The following FOXM1 variants were observed in gnomAD, a reference collection of about 807,000 sequenced individuals.
The protein encoded by FOXM1 is forkhead box M1.
Under a neutral mutation model 63.6 loss-of-function variants are expected in FOXM1, and 25 were observed. The observed-to-expected ratio is 0.39, with a 90% CI of 0.29 to 0.55. FOXM1 has a LOEUF of 0.55. Ranked by LOEUF, FOXM1 falls within the 20% of genes least tolerant of loss-of-function variation. FOXM1 has a pLI of 0.60. For synonymous variants in FOXM1, 387 were observed against 376.9 expected (o/e 1.03, Z -0.31); for missense variants, 879 against 958.7 (o/e 0.92, Z 1.10).
In FOXM1 at chr12:2,866,624, C is replaced by T. The variant is rs28990707; in HGVS notation, c.847-103G>A. ...AGCCTCAGGCCCCTCCCACTGTGCT[C>T]AGCACAGGCTTCGTCTGGTGTCTTT... On this transcript the variant is annotated intron_variant, in intron 4 of 8. Coordinates refer to ENST00000359843, the MANE Select transcript of FOXM1 (RefSeq NM_021953.4). The T allele has an allele frequency of 4.8e-3, 6,078 of 1,255,278 alleles. 248 individuals are homozygous for T. The African/African-American group carries it at 0.084, about 17-fold the overall frequency. 77.8% of individuals were successfully genotyped at this position (1,255,278 alleles called of 1,614,324 possible).
chr12:2,864,720 C>G lies in FOXM1; in HGVS notation c.1053G>C (p.Arg351=), dbSNP rs1487148803. The change falls in exon 7 of 9, where the codon CGG becomes CGC. Residue 351 remains arginine (R), a synonymous_variant. Transcript: ENST00000359843. The surrounding 1 kb of genome is among the most constrained non-coding windows in gnomAD (Gnocchi z 5.1). The stretch of plus-strand genomic sequence containing the variant: ...GGAGTTCGGTTTTGATGGTCATGTT[C>G]CGGCGGAGCTCTGGATTCGGTCGTT... ...QQKRPNPELR[R]NMTIKTELPL... 1.2e-6 allele frequency: 2 copies of G among 1,614,042 alleles called. No homozygotes were observed. Among genetic ancestry groups the G allele is most frequent in the African/African-American group, 1.3e-5 (1 of 74,920 alleles).
In FOXM1 at chr12:2,858,815, C is replaced by T. The variant is rs201630079; in HGVS notation, c.2115G>A (p.Pro705=). Reference sequence around the variant, plus strand: ...CTGCAAGGCCAGAAACCTGTGGCTCCGGGGAGCCTGGCTTGGGGACGTCTA... The same window carrying T: ...CTGCAAGGCCAGAAACCTGTGGCTCTGGGGAGCCTGGCTTGGGGACGTCTA... The part of the protein sequence containing the change: ...SDIDVPKPGS[P]EPQVSGLAAN... The change falls in exon 9 of 9, where the codon CCG becomes CCA. Residue 705 remains proline (P), a synonymous_variant. Coordinates refer to ENST00000359843, the MANE Select transcript of FOXM1 (RefSeq NM_021953.4). 1.2e-4 allele frequency: 187 copies of T among 1,614,104 alleles called. 1 individual carries two copies. The South Asian group carries it at 1.8e-3, about 16-fold the overall frequency.
chr12:2,876,526 T>C (rs1289188645), intron 1 of FOXM1: 1 of 152,492 alleles, frequency 6.6e-6, no homozygotes, highest in Non-Finnish European at 1.5e-5. Context: ...GTAAGTAAGA[T>C]GGAGGCGGTG....
chr12:2,875,055 C>T (rs763475185), intron 1 of FOXM1, among the ~76,000 whole-genome samples: 13 of 147,486 alleles, frequency 8.8e-5, no homozygotes, highest in African/African-American at 2.8e-4. Context: ...TGCAGTGGCA[C>T]GATCTCAGTT....
Position 2,858,807 on chromosome 12 carries a change from T to C in FOXM1, c.2123A>G (p.Gln708Arg). 1 of 1,614,154 alleles carries C rather than the reference T, an allele frequency of 6.2e-7. No individual in the cohort carries two copies. Among genetic ancestry groups the C allele is most frequent in the Non-Finnish European group, 8.5e-7 (1 of 1,180,028 alleles). Residue 708 changes from glutamine (Q) to arginine (R), a missense_variant, in exon 9 of 9, where the codon CAG becomes CGG. Physicochemically the swap from Gln to Arg is conservative, Grantham distance 43. Coordinates refer to ENST00000359843, the MANE Select transcript of FOXM1 (RefSeq NM_021953.4). Reference sequence around the variant, plus strand: ...ACGATTGGCTGCAAGGCCAGAAACCTGTGGCTCCGGGGAGCCTGGCTTGGG... The same window carrying C: ...ACGATTGGCTGCAAGGCCAGAAACCCGTGGCTCCGGGGAGCCTGGCTTGGG... ...DVPKPGSPEP[Q>R]VSGLAANRSL...
intron 3 of FOXM1, 65 bp from the exon 4 acceptor site, chr12:2,868,819 T>C: frequency 7.6e-7 from 1 of 1,312,524 alleles, no homozygotes; most frequent in Non-Finnish European, 1.1e-6. Context: ...ACCCAAGCCC[T>C]TGAAGAACAT....
rs939041760 is a variant in FOXM1, at chr12:2,857,975, T to C, written c.*663A>G. On this transcript the variant is annotated 3_prime_UTR_variant, in exon 9 of 9. Coordinates refer to ENST00000359843, the MANE Select transcript of FOXM1 (RefSeq NM_021953.4). ...ACCCCAAATTCAACTCCTGACCCAA[T>C]ACAAAAGACTTTTTTAACCAGGATT... 1 of 152,738 alleles carries C rather than the reference T, an allele frequency of 6.5e-6. No homozygotes were observed. Among genetic ancestry groups the C allele is most frequent in the Non-Finnish European group, 1.5e-5 (1 of 68,142 alleles). The allele number at this position is 152,738 out of a possible 1,614,324, so 9.5% of individuals were successfully genotyped here. A position where few individuals can be genotyped will look rare whatever the true frequency, so the allele number is the denominator to read the frequency against.
rs568267379 is a variant in FOXM1 at position 2,875,761 on chromosome 12, A to ATTTTTTTT, written c.-48+1151_-48+1158dup. Among the ~76,000 whole-genome samples, 218 of 133,352 alleles carry ATTTTTTTT rather than the reference A, an allele frequency of 1.6e-3. 4 individuals carry two copies. Among genetic ancestry groups the ATTTTTTTT allele is most frequent in the African/African-American group, 6.0e-3 (213 of 35,260 alleles). 87.5% of individuals were successfully genotyped at this position (133,352 alleles called of 152,430 possible). ...TTAAGTCTTTTGTTGATTTTTTTTA[A>ATTTTTTTT]TTTTTTTTTTTTTTTTGAGACGGAG... On this transcript the variant is annotated intron_variant, in intron 1 of 8. Coordinates refer to ENST00000359843, the MANE Select transcript of FOXM1 (RefSeq NM_021953.4).
At chr12:2,860,646 G>A (rs2098109794) in intron 8 of FOXM1, among the ~76,000 whole-genome samples, 1 of 152,066 alleles carries the variant, frequency 6.6e-6, no homozygotes, top group Non-Finnish European at 1.5e-5. Context: ...GCCAAGGCAG[G>A]CAGATCACCT....
In FOXM1 at chr12:2,859,669, AG is replaced by A. The variant is rs768870768; in HGVS notation, c.1267-7del. The A allele has an allele frequency of 6.3e-6, 10 of 1,596,748 alleles. No individual in the cohort carries two copies. In the East Asian group the frequency reaches 1.8e-4, roughly 29 times the overall value. ...CCCTCCTCAGCTAGCAGCACCTGAA[AG>A]GGAAACAGAGATAAGGTGAACCAAC... On this transcript the variant is annotated splice_polypyrimidine_tract_variant and splice_region_variant and intron_variant, in intron 8 of 8. Coordinates refer to ENST00000359843, the MANE Select transcript of FOXM1 (RefSeq NM_021953.4).
chr12:2,867,140 G>A (rs1434525563), intron 4 of FOXM1, among the ~76,000 whole-genome samples: 1 of 151,544 alleles, frequency 6.6e-6, no homozygotes, highest in Non-Finnish European at 1.5e-5. Context: ...GTGACAGAGT[G>A]AGGCCCCGTC....
chr12:2,872,273 C>A lies in FOXM1; in HGVS notation c.503-26G>T, dbSNP rs745641111. 20 of 1,612,320 alleles carry A rather than the reference C, an allele frequency of 1.2e-5. No individual in the cohort carries two copies. The highest frequency in any genetic ancestry group is 1.6e-5 in the Non-Finnish European group (19 of 1,178,990). Reference sequence around the variant, plus strand: ...CTAGAGGGAAAATAATCCAACACCCCACTTAGCTGCCTCATCAGATGCCCA... The same window carrying A: ...CTAGAGGGAAAATAATCCAACACCCAACTTAGCTGCCTCATCAGATGCCCA... On this transcript the variant is annotated intron_variant, in intron 2 of 8. Coordinates refer to ENST00000359843, the MANE Select transcript of FOXM1 (RefSeq NM_021953.4). This position sits in a 1 kb window ranked among gnomAD's most constrained non-coding sequence, Gnocchi z 4.0.
chr12:2,872,205 G>A lies in FOXM1; in HGVS notation c.545C>T (p.Ser182Phe), dbSNP rs1186115009. ...AAGCTINNSL[S>F]NIQWLRKMSS... ...CATCTTTCGAAGCCACTGGATGTTGGATAGGCTATTGTTGATAGTGCAGCC... is the reference window on the plus strand; with the variant it reads ...CATCTTTCGAAGCCACTGGATGTTGAATAGGCTATTGTTGATAGTGCAGCC... The change falls in exon 3 of 9, where the codon TCC becomes TTC. Residue 182 changes from serine to phenylalanine, a missense_variant. By Grantham distance (155) the Ser-to-Phe change is radical (BLOSUM62 -2). This residue lies in a region of FOXM1 where 255 missense variants were observed against 292.4 expected (regional missense o/e 0.87). Coordinates refer to ENST00000359843, the MANE Select transcript of FOXM1 (RefSeq NM_021953.4). The surrounding 1 kb of genome is among the most constrained non-coding windows in gnomAD (Gnocchi z 4.0). The A allele has an allele frequency of 3.1e-6, 5 of 1,614,210 alleles. No individual in the cohort carries two copies. The South Asian group carries it at 5.5e-5, about 18-fold the overall frequency.
In FOXM1 at chr12:2,858,787, T is replaced by G; in HGVS notation, c.2143A>C (p.Asn715His). The change falls in exon 9 of 9, where the codon AAT becomes CAT. Residue 715 changes from asparagine (N) to histidine (H), a missense_variant. Physicochemically the swap from Asn to His is moderately conservative, Grantham distance 68. This residue lies in a region of FOXM1 where 486 missense variants were observed against 453.5 expected (regional missense o/e 1.07). Coordinates refer to ENST00000359843, the MANE Select transcript of FOXM1 (RefSeq NM_021953.4). ...PEPQVSGLAA[N>H]RSLTEGLVLD... ...ACCAGGCCTTCTGTCAGAGAACGAT[T>G]GGCTGCAAGGCCAGAAACCTGTGGC... 1 of 1,614,200 alleles carries G rather than the reference T, an allele frequency of 6.2e-7. No homozygotes were observed. Among genetic ancestry groups the G allele is most frequent in the East Asian group, 2.2e-5 (1 of 44,884 alleles).
intron 4 of FOXM1, chr12:2,868,256 A>C (rs2098127135): frequency 4.3e-6 from 1 of 233,528 alleles, no homozygotes; most frequent in Non-Finnish European, 8.2e-6. Flanking sequence ...ATTTTCATAA[A>C]ACTACTTAGC....
Position 2,872,233 on chromosome 12 carries a change from C to A in FOXM1, c.517G>T (p.Ala173Ser). The A allele has an allele frequency of 6.2e-7, 1 of 1,614,174 alleles. No individual in the cohort carries two copies. The highest frequency in any genetic ancestry group is 8.5e-7 in the Non-Finnish European group (1 of 1,180,012). ...KRETCADGEA[A>S]GCTINNSLSN... is the part of the protein sequence containing the mutation. ...AGGCTATTGTTGATAGTGCAGCCTG[C>A]TGCCTCACCATCTGCTAGAGGGAAA... Residue 173 changes from alanine to serine, a missense_variant, in exon 3 of 9, where the codon GCA becomes TCA. Ala to Ser is a moderately conservative substitution (Grantham distance 99). Around this residue, in one of 4 missense-constraint regions of FOXM1, gnomAD observed 255 missense variants for 292.4 expected, o/e 0.87. Coordinates refer to ENST00000359843, the MANE Select transcript of FOXM1 (RefSeq NM_021953.4). The surrounding 1 kb of genome is among the most constrained non-coding windows in gnomAD (Gnocchi z 4.0).
chr12:2,868,518 TCAGGCTGGGC>T, intron 4 of FOXM1, 35 bp downstream of exon 4: 1 of 1,503,506 alleles, frequency 6.7e-7, no homozygotes, highest in Non-Finnish European at 9.1e-7. Flanking sequence ...GGAGAGACTG[TCAGGCTGGGC>T]TGACCTTGAT....
At chr12:2,865,245 G>A (rs2153935551) in intron 6 of FOXM1, 110 bp downstream of exon 6, 1 of 984,830 alleles carries the variant, frequency 1.0e-6, no homozygotes, top group East Asian at 2.4e-5. Context: ...GACAAAACAT[G>A]GCCATAGGGA....
chr12:2,874,408 G>A lies in FOXM1; in HGVS notation c.71C>T (p.Pro24Leu), dbSNP rs1320389700. The stretch of plus-strand genomic sequence containing the variant: ...AGGTTCCTCCTCTGATGTTTCACTT[G>A]GGGCATTTTGAACAGGAAGGGGCAG... Reference protein sequence around the residue: ...RRLPLPVQNAPSETSEEEPKR... With the variant: ...RRLPLPVQNALSETSEEEPKR... The change falls in exon 2 of 9, where the codon CCA (proline) becomes CTA (leucine). Residue 24 changes from proline (P) to leucine (L), a missense_variant. Around this residue, in one of 4 missense-constraint regions of FOXM1, gnomAD observed 255 missense variants for 292.4 expected, o/e 0.87. Coordinates refer to ENST00000359843, the MANE Select transcript of FOXM1 (RefSeq NM_021953.4). The surrounding 1 kb of genome is among the most constrained non-coding windows in gnomAD (Gnocchi z 4.3). 4.3e-6 allele frequency: 7 copies of A among 1,614,048 alleles called. No homozygotes were observed. In the Admixed American group the frequency reaches 8.3e-5, roughly 19 times the overall value.
Sources: gnomAD v4.1 joint callset for allele counts (sites outside exome capture counted in the v4.1 genomes callset) on GRCh38, gnomAD v4.1.1 for gene constraint, gnomAD v4.1.1 regional missense constraint, Gnocchi (gnomAD v3.1) non-coding constraint, MANE v1.5 for transcripts, NCBI Gene and HGNC (gene_info 2026-07-23, HGNC 2026-07-21) for gene names.